RBFOX3: variants seen among roughly 807,000 people sequenced by gnomAD.
The protein encoded by RBFOX3 is RNA binding protein fox-1 homolog 3.
A neutral mutation model predicts 48.7 loss-of-function variants in RBFOX3; 17 were observed. That is an observed-to-expected ratio of 0.35 (90% CI 0.24 to 0.52). The LOEUF is 0.52. Ranked by LOEUF, RBFOX3 falls within the 20% of genes least tolerant of loss-of-function variation. RBFOX3 has a pLI of 0.94. For missense variants in RBFOX3, 382 were observed against 497.5 expected, an observed-to-expected ratio of 0.77 and a Z score of 2.21; for synonymous variants, 212 against 209.5, an observed-to-expected ratio of 1.01 and a Z score of -0.10.
chr17:79,653,176 CA>C, the RBFOX3 span, among the ~76,000 whole-genome samples: 1 of 152,248 alleles, frequency 6.6e-6, no homozygotes. Flanking sequence ...AAGCAGTAAA[CA>C]AAAAGATAAA....
At chr17:79,188,479 C>A (rs2053859086) in intron 4 of RBFOX3, among the ~76,000 whole-genome samples, 1 of 152,218 alleles carries the variant, frequency 6.6e-6, no homozygotes. Context: ...CATGTCCCAG[C>A]AAAATTAAAC....
At chr17:79,165,496 G>C (rs1254817751) in intron 4 of RBFOX3, among the ~76,000 whole-genome samples, 2 of 152,182 alleles carry the variant, frequency 1.3e-5, no homozygotes, top group East Asian at 3.9e-4. Context: ...CAGGTGGCGG[G>C]GGCCCCTGGG....
chr17:79,426,956 G>A lies in RBFOX3; in HGVS notation c.-175+55498C>T, dbSNP rs146061363. Reference sequence around the variant, plus strand: ...TGACCTCAGGTGATCCACCCGCCTCGGCCTCCCAAATTGCTAGGATTACAG... The same window carrying A: ...TGACCTCAGGTGATCCACCCGCCTCAGCCTCCCAAATTGCTAGGATTACAG... On this transcript the variant is annotated intron_variant, in intron 2 of 14. Transcript: ENST00000693108. Among the ~76,000 whole-genome samples, 588 of 152,146 alleles carry A rather than the reference G, an allele frequency of 3.9e-3. 7 individuals are homozygous for A. The highest frequency in any genetic ancestry group is 0.013 in the African/African-American group (550 of 41,512).
rs998400181 is a variant in RBFOX3 at position 79,170,241 on chromosome 17, C to T, written c.-33-54493G>A. 9.3e-5 allele frequency among the ~76,000 whole-genome samples: 14 copies of T among 150,106 alleles called. No individual in the cohort carries two copies. In the South Asian group the frequency reaches 1.1e-3, roughly 11 times the overall value. On this transcript the variant is annotated intron_variant, in intron 4 of 14. Coordinates refer to ENST00000693108, the MANE Select transcript of RBFOX3 (RefSeq NM_001350451.2). ...CAGTAGGGCTCAGGCCAGATGTTCA[C>T]GGAGAACAACAGGTTAACGGTGTCC...
chr17:79,377,497 C>T (rs868770195), intron 2 of RBFOX3, among the ~76,000 whole-genome samples: 12 of 152,220 alleles, frequency 7.9e-5, no homozygotes, highest in African/African-American at 2.2e-4. Context: ...GACATCACTC[C>T]GAGTTGGTGA....
chr17:79,165,810 C>T (rs2047880337), intron 4 of RBFOX3, among the ~76,000 whole-genome samples: 2 of 152,188 alleles, frequency 1.3e-5, no homozygotes, highest in Non-Finnish European at 2.9e-5. Context: ...TTTGGGGGTC[C>T]CGTGCCTACC....
rs1415180819 is a variant in RBFOX3 at position 79,390,667 on chromosome 17, G to T, written c.-174-82843C>A. Among the ~76,000 whole-genome samples, 2 of 152,174 alleles carry T rather than the reference G, an allele frequency of 1.3e-5. No homozygotes were observed. The highest frequency in any genetic ancestry group is 2.9e-5 in the Non-Finnish European group (2 of 68,036). On this transcript the variant is annotated intron_variant, in intron 2 of 14. Transcript: ENST00000693108. The surrounding 1 kb of genome is among the most constrained non-coding windows in gnomAD (Gnocchi z 4.2). Reference sequence around the variant, plus strand: ...TAATTTTGTATTTTTAGTAGAGACAGGGTTTCGCCATGTTGGCCAGGCTGG... The same window carrying T: ...TAATTTTGTATTTTTAGTAGAGACATGGTTTCGCCATGTTGGCCAGGCTGG...
chr17:79,286,214 G>T (rs73409895), intron 3 of RBFOX3, among the ~76,000 whole-genome samples: 9,497 of 152,184 alleles, frequency 0.062, 1,005 homozygotes, highest in African/African-American at 0.22. Flanking sequence ...TGCAGAGATT[G>T]CTTGGCTCCC....
chr17:79,503,427 AT>A (rs1227420699), intron 1 of RBFOX3, among the ~76,000 whole-genome samples: 1 of 152,128 alleles, frequency 6.6e-6, no homozygotes, highest in Non-Finnish European at 1.5e-5. Flanking sequence ...AGCAAAAGTA[AT>A]TTTCATGATA....
chr17:79,162,261 T>C (rs1038423655), intron 4 of RBFOX3, among the ~76,000 whole-genome samples: 12 of 152,238 alleles, frequency 7.9e-5, no homozygotes, highest in Admixed American at 6.5e-5. Flanking sequence ...TGGGAGTTAA[T>C]GTGGTTTTCT....
At position 79,493,864 on chromosome 17, in the gene RBFOX3, C is replaced by T. The variant is rs377427971; in HGVS notation, c.-319-11266G>A. 2.5e-4 allele frequency among the ~76,000 whole-genome samples: 38 copies of T among 152,286 alleles called. 1 individual carries two copies. In the East Asian group the frequency reaches 3.3e-3, roughly 13 times the overall value. ...CACTTCCCTCCCCAAGTCACACACC[C>T]GCCGCGGCAGTAGGGCTCCTTGGCT... On this transcript the variant is annotated intron_variant, in intron 1 of 14. Transcript: ENST00000693108.
upstream of RBFOX3, among the ~76,000 whole-genome samples, chr17:79,615,032 G>C (rs1354879599): frequency 6.6e-6 from 1 of 151,556 alleles, no homozygotes; most frequent in African/African-American, 2.4e-5. Flanking sequence ...TTCATATCAA[G>C]GCACATTATC....
the RBFOX3 span, among the ~76,000 whole-genome samples, chr17:79,618,893 G>A: frequency 1.3e-5 from 2 of 152,152 alleles, no homozygotes; most frequent in African/African-American, 2.4e-5. Flanking sequence ...GGAGGAACTA[G>A]AGAGACCCAG....
At chr17:79,539,134 T>C (rs1194025523) in intron 1 of RBFOX3, among the ~76,000 whole-genome samples, 3 of 152,166 alleles carry the variant, frequency 2.0e-5, no homozygotes, top group African/African-American at 7.2e-5. Context: ...GGAGGATTGC[T>C]TGAGCTCAGG....
chr17:79,248,478 A>G (rs1050618295), intron 3 of RBFOX3, among the ~76,000 whole-genome samples: 1 of 152,220 alleles, frequency 6.6e-6, no homozygotes, highest in African/African-American at 2.4e-5. Flanking sequence ...ACTTGCACCA[A>G]GATGCCTTCT....
At position 79,489,012 on chromosome 17, in the gene RBFOX3, CTTTTG is replaced by C. The variant is rs369821886; in HGVS notation, c.-319-6419_-319-6415del. 1.1e-3 allele frequency among the ~76,000 whole-genome samples: 175 copies of C among 152,236 alleles called. 6 individuals carry two copies. The South Asian group carries it at 0.032, about 28-fold the overall frequency. On this transcript the variant is annotated intron_variant, in intron 1 of 14. Transcript: ENST00000693108. ...TGGGTTTTTATAGCATTTTGCTTAT[CTTTTG>C]TTTTGTTTTGTTTTGTTTTTTAACA...
intron 2 of RBFOX3, among the ~76,000 whole-genome samples, chr17:79,414,091 T>C (rs1352164965): frequency 6.6e-6 from 1 of 152,194 alleles, no homozygotes; most frequent in Non-Finnish European, 1.5e-5. Context: ...CTTGTTATTC[T>C]ACCCAGGATC....
intron 4 of RBFOX3, among the ~76,000 whole-genome samples, chr17:79,232,966 G>A (rs1260369969): frequency 6.6e-6 from 1 of 152,152 alleles, no homozygotes; most frequent in African/African-American, 2.4e-5. Context: ...CTTATTTAGG[G>A]CGTTAAAATA....
At position 79,097,696 on chromosome 17, in the gene RBFOX3, A is replaced by G; in HGVS notation, c.618T>C (p.Tyr206=). The G allele has an allele frequency of 7.1e-7, 1 of 1,399,220 alleles. No homozygotes were observed. Among genetic ancestry groups the G allele is most frequent in the Non-Finnish European group, 9.5e-7 (1 of 1,047,742 alleles). The allele number at this position is 1,399,220 out of a possible 1,614,324, so 86.7% of individuals were successfully genotyped here. A position where few individuals can be genotyped will look rare whatever the true frequency, so the allele number is the denominator to read the frequency against. Residue 206 remains tyrosine, a synonymous_variant, in exon 10 of 15, where the codon TAT becomes TAC. Transcript: ENST00000693108. ...CCGCCCCGCCCCAGCTTTTACCTGCATAGAATTCAGGCCCGTAGACTGCGC... is the reference window on the plus strand; with the variant it reads ...CCGCCCCGCCCCAGCTTTTACCTGCGTAGAATTCAGGCCCGTAGACTGCGC... The part of the protein sequence containing the change: ...VVGAVYGPEF[Y]AVTGFPYPTT...
Sources: allele counts gnomAD v4.1 joint callset (sites outside exome capture counted in the v4.1 genomes callset), GRCh38; gene constraint gnomAD v4.1.1; non-coding constraint Gnocchi (gnomAD v3.1); transcripts MANE v1.5; gene names NCBI Gene and HGNC (gene_info 2026-07-23, HGNC 2026-07-21).